AP2B1: variants seen among roughly 807,000 people sequenced by gnomAD.
AP2B1 encodes AP-2 complex subunit beta.
Under a neutral mutation model 102.0 loss-of-function variants are expected in AP2B1, and 23 were observed. The ratio of observed to expected loss-of-function variants is 0.23; its 90% CI spans 0.16 to 0.32. The LOEUF (loss-of-function observed/expected upper bound fraction) is 0.32, where lower values mean the gene tolerates loss of function less well. AP2B1 is among the 10% of genes least tolerant of loss of function. AP2B1 has a pLI of 1.00. For synonymous variants in AP2B1, 381 were observed against 421.2 expected (o/e 0.90, Z 1.17); for missense variants, 541 against 1,157.4 (o/e 0.47, Z 7.73).
At position 35,723,678 on chromosome 17, in the gene AP2B1, C is replaced by T. The variant is rs200158433; in HGVS notation, c.2835C>T (p.Tyr945=). 612 of 1,612,638 alleles carry T rather than the reference C, an allele frequency of 3.8e-4. 5 individuals carry two copies. The South Asian group carries it at 5.1e-3, about 14-fold the overall frequency. Residue 945 remains tyrosine, a synonymous_variant, in exon 22 of 22, where the codon TAC becomes TAT. Coordinates refer to ENST00000610402, the MANE Select transcript of AP2B1 (RefSeq NM_001030006.2). ...PEVSQYIYQV[Y]DSILKN is the part of the protein sequence containing the mutation. Reference sequence around the variant, plus strand: ...TCTCTCAATACATCTATCAGGTCTACGACAGCATTTTGAAAAACTAACAAG... The same window carrying T: ...TCTCTCAATACATCTATCAGGTCTATGACAGCATTTTGAAAAACTAACAAG...
intron 12 of AP2B1, among the ~76,000 whole-genome samples, chr17:35,645,871 C>CA (rs1475816018): frequency 6.6e-6 from 1 of 151,678 alleles, no homozygotes; most frequent in South Asian, 2.1e-4. Context: ...CAAAACAAAA[C>CA]AAAAAAATGT....
chr17:35,716,291 ATTCTT>A (rs1212481088), intron 20 of AP2B1, among the ~76,000 whole-genome samples: 1 of 152,248 alleles, frequency 6.6e-6, no homozygotes, highest in African/African-American at 2.4e-5. Flanking sequence ...TGTCATCTCT[ATTCTT>A]AAAGTTTCTC....
chr17:35,710,561 C>T (rs1438034371), intron 20 of AP2B1, among the ~76,000 whole-genome samples: 15 of 152,106 alleles, frequency 9.9e-5, no homozygotes, highest in African/African-American at 3.6e-4. Flanking sequence ...ACCCATCTAC[C>T]CATTTCTTCA....
At chr17:35,635,375 T>C (rs1208674263) in intron 9 of AP2B1, among the ~76,000 whole-genome samples, 1 of 150,320 alleles carries the variant, frequency 6.7e-6, no homozygotes, top group Non-Finnish European at 1.5e-5. Context: ...TTTTTTGTTT[T>C]GCTTTGTTTT....
rs75016758 is a variant in AP2B1, at chr17:35,708,250, C to T, written c.2455-974C>T. ...TGCTCAGATAAATGTTTTCCTACAG[C>T]GCTAAGAGCATAGATAGGAAAGTCA... On this transcript the variant is annotated intron_variant, in intron 18 of 21. Transcript: ENST00000610402. Among the ~76,000 whole-genome samples, 731 of 152,220 alleles carry T rather than the reference C, an allele frequency of 4.8e-3. 3 individuals carry two copies. Among genetic ancestry groups the T allele is most frequent in the South Asian group, 0.028 (134 of 4,824 alleles).
intron 5 of AP2B1, among the ~76,000 whole-genome samples, chr17:35,623,453 A>G (rs2074237845): frequency 6.6e-6 from 1 of 152,206 alleles, no homozygotes; most frequent in Non-Finnish European, 1.5e-5. Flanking sequence ...AGTCCCAGCT[A>G]CTTGGGAGAC....
At chr17:35,674,856 A>G (rs1386016526) in intron 17 of AP2B1, among the ~76,000 whole-genome samples, 1 of 152,190 alleles carries the variant, frequency 6.6e-6, no homozygotes, top group Non-Finnish European at 1.5e-5. Context: ...ACCAGAACTT[A>G]TTTACTATCT....
At chr17:35,639,312 G>A (rs2074700732) in intron 10 of AP2B1, among the ~76,000 whole-genome samples, 1 of 152,120 alleles carries the variant, frequency 6.6e-6, no homozygotes, top group African/African-American at 2.4e-5. Context: ...TAGCCTGGGT[G>A]ACAAGAGTGA....
At chr17:35,712,980 G>T (rs1485753219) in intron 20 of AP2B1, among the ~76,000 whole-genome samples, 2 of 152,204 alleles carry the variant, frequency 1.3e-5, no homozygotes, top group East Asian at 3.8e-4. Flanking sequence ...GGACATGGTT[G>T]TTCAAAAAAG....
At chr17:35,595,225 A>G (rs996788465) in intron 2 of AP2B1, among the ~76,000 whole-genome samples, 10 of 152,136 alleles carry the variant, frequency 6.6e-5, no homozygotes, top group African/African-American at 2.4e-5. Flanking sequence ...TGTCCTGGAT[A>G]TGGTCTGGGT....
Position 35,603,102 on chromosome 17 carries a change from T to C in AP2B1, c.144-2603T>C, listed in dbSNP as rs1360582158. Among the ~76,000 whole-genome samples the C allele has an allele frequency of 3.3e-5, 5 of 152,346 alleles. No individual in the cohort carries two copies. The South Asian group carries it at 6.2e-4, about 19-fold the overall frequency. ...TGGAGATATGGTGGATTCTTTGACCTGAGTCCAGCTTCCTTTCTGTGAATA... is the reference window on the plus strand; with the variant it reads ...TGGAGATATGGTGGATTCTTTGACCCGAGTCCAGCTTCCTTTCTGTGAATA... On this transcript the variant is annotated intron_variant, in intron 3 of 21. Coordinates refer to ENST00000610402, the MANE Select transcript of AP2B1 (RefSeq NM_001030006.2).
chr17:35,721,913 TGGCAGTAGAGAA>T (rs2085404266), intron 21 of AP2B1, among the ~76,000 whole-genome samples: 1 of 152,170 alleles, frequency 6.6e-6, no homozygotes, highest in Non-Finnish European at 1.5e-5. Context: ...TCCACAACAC[TGGCAGTAGAGAA>T]GGCTGTAGAG....
intron 9 of AP2B1, among the ~76,000 whole-genome samples, chr17:35,634,525 T>C (rs1196295627): frequency 6.6e-6 from 1 of 152,218 alleles, no homozygotes; most frequent in Non-Finnish European, 1.5e-5. Context: ...TGATCACTTA[T>C]AGTTTCTGTA....
intron 2 of AP2B1, among the ~76,000 whole-genome samples, chr17:35,597,388 C>G (rs903499976): frequency 6.6e-6 from 1 of 152,020 alleles, no homozygotes; most frequent in Admixed American, 6.6e-5. Context: ...GCCTGGAGAC[C>G]AGGCCTTAAA....
chr17:35,653,346 A>G (rs1200056789), intron 13 of AP2B1, among the ~76,000 whole-genome samples: 2 of 152,126 alleles, frequency 1.3e-5, no homozygotes, highest in African/African-American at 2.4e-5. Flanking sequence ...TGTTTTTACC[A>G]CCATCCTACA....
chr17:35,589,103 A>ATTTTTTTTTTTTTTTTTTTTTTTTTTTTT (rs2072999682), intron 1 of AP2B1, among the ~76,000 whole-genome samples: 1 of 152,220 alleles, frequency 6.6e-6, no homozygotes, highest in Non-Finnish European at 1.5e-5. Context: ...TCGTTATAAT[A>ATTTTTTTTTTTTTTTTTTTTTTTTTTTTT]TTAAGAAGCT....
At chr17:35,637,487 G>C (rs891549519) in intron 10 of AP2B1, among the ~76,000 whole-genome samples, 2 of 151,698 alleles carry the variant, frequency 1.3e-5, no homozygotes, top group Non-Finnish European at 2.9e-5. Context: ...GCCCACTTCT[G>C]ATCGTCTTTA....
At chr17:35,616,697 C>T (rs546039757) in intron 5 of AP2B1, among the ~76,000 whole-genome samples, 2 of 152,230 alleles carry the variant, frequency 1.3e-5, no homozygotes, top group South Asian at 2.1e-4. Flanking sequence ...GGATTCAGTC[C>T]GGAATACCAA....
intron 21 of AP2B1, 21 bp downstream of exon 21, chr17:35,717,370 G>T (rs1464162480): frequency 6.2e-7 from 1 of 1,613,636 alleles, no homozygotes; most frequent in South Asian, 1.1e-5. Context: ...TCTCAGAATG[G>T]GTGAGATGGA....
Sources: gnomAD v4.1 joint callset for allele counts (sites outside exome capture counted in the v4.1 genomes callset) on GRCh38, gnomAD v4.1.1 for gene constraint, MANE v1.5 for transcripts, NCBI Gene and HGNC (gene_info 2026-07-23, HGNC 2026-07-21) for gene names.